SMARCA2: variants seen among roughly 807,000 people sequenced by gnomAD.
SMARCA2 encodes the protein SWI/SNF-related matrix-associated actin-dependent regulator of chromatin subfamily A member 2.
Under a neutral mutation model 199.8 loss-of-function variants are expected in SMARCA2, and 61 were observed. That is an observed-to-expected ratio of 0.31 (90% CI 0.25 to 0.38). The LOEUF is 0.38. SMARCA2 is among the 10% of genes least tolerant of loss of function. The pLI is 1.00. For missense variants in SMARCA2, 1,344 were observed against 2,012.2 expected (o/e 0.67, Z 6.35); for synonymous variants, 935 against 732.0 (o/e 1.28, Z -4.48).
At chr9:2,141,880 A>C (rs1824476765) in intron 27 of SMARCA2, among the ~76,000 whole-genome samples, 1 of 152,120 alleles carries the variant, frequency 6.6e-6, no homozygotes. Context: ...CCTCTTCTTG[A>C]AAAGGTGCAG....
chr9:2,174,749 T>C (rs557947871), intron 29 of SMARCA2, among the ~76,000 whole-genome samples: 29 of 151,680 alleles, frequency 1.9e-4, no homozygotes, highest in Non-Finnish European at 3.8e-4. Flanking sequence ...GGTGGAAGCC[T>C]GTCTCTACAA....
At position 2,139,641 on chromosome 9, in the gene SMARCA2, AC is replaced by A. The variant is rs1348101564; in HGVS notation, c.3981+15709del. ...ATTTTTCTCCATTTTTATAATCACT[AC>A]CCCCAATATAGTCGCTACTCCAGGT... On this transcript the variant is annotated intron_variant, in intron 27 of 33. Coordinates refer to ENST00000349721, the MANE Select transcript of SMARCA2 (RefSeq NM_003070.5). Among the ~76,000 whole-genome samples, 6 of 149,056 alleles carry A rather than the reference AC, an allele frequency of 4.0e-5. No individual in the cohort carries two copies. The South Asian group carries it at 1.1e-3, about 28-fold the overall frequency.
At chr9:2,125,489 CTTT>C (rs60942071) in intron 27 of SMARCA2, among the ~76,000 whole-genome samples, 2 of 129,804 alleles carry the variant, frequency 1.5e-5, no homozygotes, top group Non-Finnish European at 3.3e-5. Context: ...CTGGGCCAAC[CTTT>C]TTTTTTTTTT....
chr9:2,019,734 T>C (rs1034632963), intron 1 of SMARCA2, among the ~76,000 whole-genome samples: 2 of 152,116 alleles, frequency 1.3e-5, no homozygotes, highest in African/African-American at 4.8e-5. Context: ...ATTTTGACAT[T>C]TATTATTATG....
Position 2,102,240 on chromosome 9 carries a change from C to A in SMARCA2, c.3125+624C>A, listed in dbSNP as rs181542030. Among the ~76,000 whole-genome samples, 428 of 152,160 alleles carry A rather than the reference C, an allele frequency of 2.8e-3. 3 individuals are homozygous for A. The highest frequency in any genetic ancestry group is 8.9e-3 in the African/African-American group (369 of 41,508). ...TGGATCCCAAGGGCGGACAGTTTCACTGGGCTAAGAACCAGGAACTATAGC... is the reference window on the plus strand; with the variant it reads ...TGGATCCCAAGGGCGGACAGTTTCAATGGGCTAAGAACCAGGAACTATAGC... On this transcript the variant is annotated intron_variant, in intron 22 of 33. Transcript: ENST00000349721.
intron 25 of SMARCA2, among the ~76,000 whole-genome samples, chr9:2,118,273 C>G (rs763954449): frequency 6.6e-6 from 1 of 152,192 alleles, no homozygotes; most frequent in Non-Finnish European, 1.5e-5. Context: ...GACAAATTGA[C>G]TTTAATCAAT....
rs572974519 is a variant in SMARCA2 at position 2,170,025 on chromosome 9, A to G, written c.4200-394A>G. ...ATTTTTATAACTTTCTGAGGTAAGT[A>G]TTTCCCCCATTTTACAAATGAGGGG... On this transcript the variant is annotated intron_variant, in intron 28 of 33. Coordinates refer to ENST00000349721, the MANE Select transcript of SMARCA2 (RefSeq NM_003070.5). The surrounding 1 kb of genome is among the most constrained non-coding windows in gnomAD (Gnocchi z 4.7). Among the ~76,000 whole-genome samples, 3 of 152,262 alleles carry G rather than the reference A, an allele frequency of 2.0e-5. No individual in the cohort carries two copies. The highest frequency in any genetic ancestry group is 7.2e-5 in the African/African-American group (3 of 41,530).
At chr9:2,141,910 C>T (rs1824478433) in intron 27 of SMARCA2, among the ~76,000 whole-genome samples, 2 of 152,150 alleles carry the variant, frequency 1.3e-5, no homozygotes, top group Admixed American at 1.3e-4. Flanking sequence ...AGATCAGCAA[C>T]AGGTGGTCTA....
chr9:2,167,964 C>G (rs769294605), intron 28 of SMARCA2, among the ~76,000 whole-genome samples: 3 of 151,738 alleles, frequency 2.0e-5, no homozygotes, highest in African/African-American at 7.3e-5. Flanking sequence ...ATGACATTAC[C>G]TGGTACTTAT....
intron 9 of SMARCA2, among the ~76,000 whole-genome samples, chr9:2,061,637 C>G (rs958096105): frequency 5.9e-5 from 9 of 152,092 alleles, no homozygotes; most frequent in Non-Finnish European, 1.3e-4. Flanking sequence ...GAATATGATC[C>G]TCTTTGAAGC....
chr9:2,039,776 ACAG>A lies in SMARCA2; in HGVS notation c.705_707del (p.Gln238del), dbSNP rs113070757. 0.15 allele frequency: 207,853 copies of A among 1,427,642 alleles called. 5,709 individuals carry two copies. Among genetic ancestry groups the A allele is most frequent in the East Asian group, 0.36 (13,216 of 37,202 alleles). The allele number at this position is 1,427,642 out of a possible 1,614,324, so 88.4% of individuals were successfully genotyped here. On this transcript the variant is annotated inframe_deletion, in exon 4 of 34. Coordinates refer to ENST00000349721, the MANE Select transcript of SMARCA2 (RefSeq NM_003070.5). The surrounding 1 kb of genome is among the most constrained non-coding windows in gnomAD (Gnocchi z 4.8). ...GCTTGCAGCAACAACAGCAGCAGCA[ACAG>A]CAGCAGCAGCAGCAGCAGCAGCAGC... is the stretch of plus-strand genomic sequence containing the variant.
chr9:2,034,333 G>A (rs1023973264), intron 3 of SMARCA2, among the ~76,000 whole-genome samples: 8 of 151,866 alleles, frequency 5.3e-5, no homozygotes, highest in Non-Finnish European at 1.2e-4. Context: ...GGAGGAGGGG[G>A]AACACAATTC....
At chr9:2,158,291 A>G (rs535936344) in intron 27 of SMARCA2, 1 of 157,626 alleles carries the variant, frequency 6.3e-6, no homozygotes, top group African/African-American at 2.4e-5. Flanking sequence ...TTACCACCAT[A>G]TGGGTTTTTT....
At chr9:2,127,229 C>T (rs1019516337) in intron 27 of SMARCA2, among the ~76,000 whole-genome samples, 3 of 152,158 alleles carry the variant, frequency 2.0e-5, no homozygotes, top group African/African-American at 7.2e-5. Flanking sequence ...GCCTGCTTTC[C>T]TGACTAGTTG....
chr9:2,048,034 G>T (rs1382320123), intron 5 of SMARCA2: 1 of 152,114 alleles, frequency 6.6e-6, no homozygotes, highest in Admixed American at 6.5e-5. Context: ...TTCCTGTAAA[G>T]AGCCAGATAG....
intron 27 of SMARCA2, among the ~76,000 whole-genome samples, chr9:2,136,467 C>T (rs778288350): frequency 2.6e-5 from 4 of 152,142 alleles, no homozygotes; most frequent in Non-Finnish European, 5.9e-5. Flanking sequence ...GGATTACAGG[C>T]GTGAACACTG....
intron 28 of SMARCA2, among the ~76,000 whole-genome samples, chr9:2,162,439 A>T (rs1165354039): frequency 6.6e-6 from 1 of 152,120 alleles, no homozygotes; most frequent in East Asian, 1.9e-4. Context: ...CAGCAAATTT[A>T]CCTTTTTTAT....
rs570117310 is a variant in SMARCA2 at position 2,121,656 on chromosome 9, T to G, written c.3763-2063T>G. ...TATAAAATTAATGCAAACTTATTAT[T>G]TGATTTTGTATCATAGACACTGGTT... On this transcript the variant is annotated intron_variant, in intron 26 of 33. Transcript: ENST00000349721. Among the ~76,000 whole-genome samples, 98 of 152,348 alleles carry G rather than the reference T, an allele frequency of 6.4e-4. 1 individual carries two copies. The South Asian group carries it at 0.02, about 31-fold the overall frequency.
At chr9:2,076,454 C>A in intron 13 of SMARCA2, 125 bp downstream of exon 13, 1 of 647,188 alleles carries the variant, frequency 1.5e-6, no homozygotes, top group Non-Finnish European at 2.8e-6. Flanking sequence ...TGAAACTGTG[C>A]TCCTAGAGGT....
Sources: allele counts gnomAD v4.1 joint callset (sites outside exome capture counted in the v4.1 genomes callset), GRCh38; gene constraint gnomAD v4.1.1; non-coding constraint Gnocchi (gnomAD v3.1); transcripts MANE v1.5; gene names NCBI Gene and HGNC (gene_info 2026-07-23, HGNC 2026-07-21).